The following LTBP1 variants were observed in gnomAD, a reference collection of about 807,000 sequenced individuals.
The protein encoded by LTBP1 is latent-transforming growth factor beta-binding protein 1.
Under a neutral mutation model 207.6 loss-of-function variants are expected in LTBP1, and 129 were observed. The ratio of observed to expected loss-of-function variants is 0.62; its 90% CI spans 0.54 to 0.72. The LOEUF (loss-of-function observed/expected upper bound fraction) is 0.72. Ranked by LOEUF, LTBP1 falls within the 30% of genes least tolerant of loss-of-function variation. The probability of loss-of-function intolerance (pLI) is 0.00; values close to 1 mark genes in which losing one functional copy is unlikely to be tolerated. For synonymous variants in LTBP1, 963 were observed against 833.7 expected (o/e 1.16, Z -2.67); for missense variants, 2,281 against 2,217.2 (o/e 1.03, Z -0.58).
intron 19 of LTBP1, among the ~76,000 whole-genome samples, chr2:33,289,123 A>G (rs997289332): frequency 1.4e-4 from 22 of 152,188 alleles, no homozygotes; most frequent in South Asian, 2.1e-4. Flanking sequence ...GTTTTCAACA[A>G]TGTACTTGTT....
At chr2:33,058,952 G>T (rs988642158) in intron 3 of LTBP1, among the ~76,000 whole-genome samples, 1 of 152,176 alleles carries the variant, frequency 6.6e-6, no homozygotes, top group Non-Finnish European at 1.5e-5. Context: ...TTTAGCTCGG[G>T]TTTATGCAAA....
chr2:33,288,692 A>C (rs188443352), intron 19 of LTBP1, among the ~76,000 whole-genome samples: 3 of 152,160 alleles, frequency 2.0e-5, no homozygotes, highest in African/African-American at 4.8e-5. Flanking sequence ...CGTCTCTATT[A>C]AAAATACAAA....
intron 2 of LTBP1, among the ~76,000 whole-genome samples, chr2:33,017,488 C>T (rs219186): frequency 0.72 from 110,246 of 152,092 alleles, 42,211 homozygotes; most frequent in East Asian, 0.98. Context: ...ATGATACTGC[C>T]GGCCTGGGCA....
chr2:33,271,315 A>G (rs1170864391), intron 15 of LTBP1, among the ~76,000 whole-genome samples: 1 of 151,808 alleles, frequency 6.6e-6, no homozygotes, highest in African/African-American at 2.4e-5. Context: ...TTTTTTGCAA[A>G]TATGGTCAAC....
intron 31 of LTBP1, among the ~76,000 whole-genome samples, chr2:33,375,518 G>GTTGT (rs549623386): frequency 1.4e-4 from 22 of 152,036 alleles, no homozygotes; most frequent in African/African-American, 3.9e-4. Context: ...ATTATGTTGA[G>GTTGT]TTGTTTGTTT....
intron 32 of LTBP1, among the ~76,000 whole-genome samples, chr2:33,392,431 T>A (rs12617428): frequency 0.35 from 53,031 of 152,082 alleles, 9,812 homozygotes; most frequent in East Asian, 0.75. Flanking sequence ...GTGATCCACC[T>A]GCCTTGGCCT....
intron 18 of LTBP1, among the ~76,000 whole-genome samples, chr2:33,277,686 A>T (rs1478178044): frequency 1.3e-5 from 2 of 151,612 alleles, no homozygotes; most frequent in Admixed American, 1.3e-4. Flanking sequence ...TGGGGTGTTT[A>T]TTTGACAAGC....
intron 24 of LTBP1, among the ~76,000 whole-genome samples, chr2:33,315,548 T>C (rs2094256816): frequency 6.6e-6 from 1 of 152,198 alleles, no homozygotes; most frequent in African/African-American, 2.4e-5. Context: ...ATAGGAGACA[T>C]GTAGGAGACC....
intron 2 of LTBP1, among the ~76,000 whole-genome samples, chr2:32,951,776 TCAAGC>T (rs1428182553): frequency 4.6e-5 from 7 of 152,224 alleles, no homozygotes; most frequent in African/African-American, 1.7e-4. Flanking sequence ...TAGTATTGGA[TCAAGC>T]CAAGTAAATT....
At chr2:32,978,666 ATTT>A (rs375742867) in intron 2 of LTBP1, among the ~76,000 whole-genome samples, 2 of 115,674 alleles carry the variant, frequency 1.7e-5, no homozygotes, top group Non-Finnish European at 1.8e-5. Flanking sequence ...TTTTTTTTTA[ATTT>A]TTTTTTTTTT....
chr2:32,967,046 T>G (rs1680114643), intron 2 of LTBP1, among the ~76,000 whole-genome samples: 1 of 152,138 alleles, frequency 6.6e-6, no homozygotes, highest in South Asian at 2.1e-4. Context: ...ATTTCTCGGT[T>G]TTGGCAGATT....
chr2:33,039,435 A>T (rs2076078256), intron 3 of LTBP1, among the ~76,000 whole-genome samples: 6 of 152,220 alleles, frequency 3.9e-5, no homozygotes. Flanking sequence ...TATTGTATCC[A>T]TCTTGAGTGT....
intron 24 of LTBP1, among the ~76,000 whole-genome samples, chr2:33,340,378 G>A (rs996124500): frequency 6.6e-6 from 1 of 152,114 alleles, no homozygotes; most frequent in African/African-American, 2.4e-5. Flanking sequence ...GGGTGGAGGA[G>A]AGGAGTGCTG....
rs533648692 is a variant in LTBP1 at position 32,971,927 on chromosome 2, G to T, written c.565+22982G>T. Among the ~76,000 whole-genome samples, 12 of 152,142 alleles carry T rather than the reference G, an allele frequency of 7.9e-5. No homozygotes were observed. The East Asian group carries it at 2.3e-3, about 29-fold the overall frequency. Reference sequence around the variant, plus strand: ...GAATTTGGCTGTGAATCTTTCTGGTGTTGGACTTTTTCTGGTTGCTAGTCT... The same window carrying T: ...GAATTTGGCTGTGAATCTTTCTGGTTTTGGACTTTTTCTGGTTGCTAGTCT... On this transcript the variant is annotated intron_variant, in intron 2 of 33. Transcript: ENST00000404816.
At chr2:33,383,310 G>A (rs373173840) in intron 31 of LTBP1, among the ~76,000 whole-genome samples, 214 of 152,308 alleles carry the variant, frequency 1.4e-3, no homozygotes, top group Middle Eastern at 0.014. Context: ...CCGAGATTGC[G>A]CCACTGCACT....
At chr2:33,271,986 C>T (rs2093331480) in intron 15 of LTBP1, among the ~76,000 whole-genome samples, 1 of 152,150 alleles carries the variant, frequency 6.6e-6, no homozygotes, top group Non-Finnish European at 1.5e-5. Context: ...AGTGAATTAA[C>T]ATAACTAGAC....
intron 9 of LTBP1, among the ~76,000 whole-genome samples, chr2:33,237,349 G>T (rs1049822003): frequency 2.0e-5 from 3 of 152,200 alleles, no homozygotes; most frequent in Non-Finnish European, 4.4e-5. Context: ...CCCTCTTTTA[G>T]CAGAGGTCTC....
At chr2:33,184,233 T>C (rs1220621263) in intron 5 of LTBP1, among the ~76,000 whole-genome samples, 1 of 152,186 alleles carries the variant, frequency 6.6e-6, no homozygotes, top group Non-Finnish European at 1.5e-5. Flanking sequence ...TGGAACACTC[T>C]TGCAGCTTTA....
At chr2:33,293,911 T>A (rs941727844) in intron 20 of LTBP1, among the ~76,000 whole-genome samples, 1 of 151,628 alleles carries the variant, frequency 6.6e-6, no homozygotes, top group Non-Finnish European at 1.5e-5. Flanking sequence ...TATATTCCTA[T>A]ATCACAGTTT....
Sources: gnomAD v4.1 joint callset for allele counts (sites outside exome capture counted in the v4.1 genomes callset) on GRCh38, gnomAD v4.1.1 for gene constraint, MANE v1.5 for transcripts, NCBI Gene and HGNC (gene_info 2026-07-23, HGNC 2026-07-21) for gene names.